Variants in RORA observed in about 807,000 individuals in gnomAD.
RORA encodes the protein nuclear receptor ROR-alpha.
RORA carries 7 observed loss-of-function variants against 69.5 expected under a neutral mutation model. That is an observed-to-expected ratio of 0.10 (90% CI 0.06 to 0.19). RORA has a LOEUF of 0.19. Among genes scored for constraint, RORA ranks in the 10% least tolerant of loss-of-function variants. RORA has a pLI of 1.00. For synonymous variants in RORA, 261 were observed against 240.8 expected, an observed-to-expected ratio of 1.08 and a Z score of -0.78; for missense variants, 457 against 663.0, an observed-to-expected ratio of 0.69 and a Z score of 3.41.
rs149696046 is a variant in RORA at position 61,128,802 on chromosome 15, C to T, written c.166+100251G>A. ...CAAATATTGGCAATGCATCCTGAGA[C>T]AAGAGTCAAGTGCTAAGCAAAGTCA... On this transcript the variant is annotated intron_variant, in intron 1 of 10. Coordinates refer to ENST00000335670, the MANE Select transcript of RORA (RefSeq NM_134261.3). The surrounding 1 kb of genome is among the most constrained non-coding windows in gnomAD (Gnocchi z 4.5). Among the ~76,000 whole-genome samples the T allele has an allele frequency of 6.6e-6, 1 of 152,064 alleles. No homozygotes were observed. Among genetic ancestry groups the T allele is most frequent in the African/African-American group, 2.4e-5 (1 of 41,398 alleles).
At chr15:60,520,951 G>A (rs1404629796) in intron 3 of RORA, among the ~76,000 whole-genome samples, 1 of 152,094 alleles carries the variant, frequency 6.6e-6, no homozygotes, top group Non-Finnish European at 1.5e-5. Flanking sequence ...TGACTGTGGC[G>A]CACTACCACC....
rs1316012176 is a variant in RORA at position 60,907,178 on chromosome 15, A to G, written c.167-228492T>C. ...CAACATCATCTGCCTTTCATACATGAGGTAAACAAGGTACAGAGAGGTGAA... is the reference window on the plus strand; with the variant it reads ...CAACATCATCTGCCTTTCATACATGGGGTAAACAAGGTACAGAGAGGTGAA... On this transcript the variant is annotated intron_variant, in intron 1 of 10. Transcript: ENST00000335670. Among the ~76,000 whole-genome samples, 6 of 152,182 alleles carry G rather than the reference A, an allele frequency of 3.9e-5. No homozygotes were observed. In the East Asian group the frequency reaches 1.2e-3, roughly 29 times the overall value.
chr15:60,858,182 T>C (rs1487019090), intron 1 of RORA, among the ~76,000 whole-genome samples: 2 of 152,196 alleles, frequency 1.3e-5, no homozygotes, highest in African/African-American at 2.4e-5. Flanking sequence ...TGCTTCACCA[T>C]GTATGAGCTG....
At chr15:60,852,588 G>A (rs2073338164) in intron 1 of RORA, among the ~76,000 whole-genome samples, 1 of 152,184 alleles carries the variant, frequency 6.6e-6, no homozygotes, top group South Asian at 2.1e-4. Flanking sequence ...GCTATCTGAG[G>A]AAACAAGATG....
At chr15:60,833,548 G>T (rs1416661802) in intron 1 of RORA, among the ~76,000 whole-genome samples, 4 of 151,898 alleles carry the variant, frequency 2.6e-5, no homozygotes, top group Admixed American at 6.6e-5. Context: ...TCCTTTCTAT[G>T]TCCCTTTCTC....
intron 2 of RORA, among the ~76,000 whole-genome samples, chr15:60,574,821 T>C (rs1466034685): frequency 6.6e-6 from 1 of 152,136 alleles, no homozygotes; most frequent in Non-Finnish European, 1.5e-5. Context: ...ATACGTGGCA[T>C]TTCTGGGACT....
chr15:61,062,736 C>T (rs1185315869), intron 1 of RORA, among the ~76,000 whole-genome samples: 1 of 152,180 alleles, frequency 6.6e-6, no homozygotes, highest in Admixed American at 6.5e-5. Flanking sequence ...TCCCTCCTCT[C>T]CCAACTGCAC....
intron 1 of RORA, among the ~76,000 whole-genome samples, chr15:61,125,255 A>T (rs16943672): frequency 0.089 from 13,621 of 152,218 alleles, 699 homozygotes; most frequent in African/African-American, 0.14. Flanking sequence ...GATACTAAAA[A>T]ACGTGACACT....
intron 1 of RORA, among the ~76,000 whole-genome samples, chr15:60,811,103 C>A (rs1229926834): frequency 6.6e-6 from 1 of 152,228 alleles, no homozygotes; most frequent in African/African-American, 2.4e-5. Flanking sequence ...TGTCTTAACC[C>A]CACTGTTTGC....
At chr15:60,698,521 C>T (rs1201578331) in intron 1 of RORA, among the ~76,000 whole-genome samples, 1 of 151,944 alleles carries the variant, frequency 6.6e-6, no homozygotes, top group Non-Finnish European at 1.5e-5. Context: ...TACATTAACT[C>T]TACCACTTAT....
intron 1 of RORA, among the ~76,000 whole-genome samples, chr15:60,876,361 C>T (rs545502147): frequency 2.1e-5 from 3 of 144,094 alleles, no homozygotes; most frequent in African/African-American, 7.8e-5. Flanking sequence ...TGGAGGCACT[C>T]GGAATTCTTT....
intron 1 of RORA, among the ~76,000 whole-genome samples, chr15:60,780,110 G>A (rs182460043): frequency 1.7e-4 from 26 of 152,256 alleles, no homozygotes; most frequent in African/African-American, 4.8e-4. Flanking sequence ...GAGCTGTAAT[G>A]AATATGAGAA....
At chr15:61,105,116 A>C (rs2078934404) in intron 1 of RORA, among the ~76,000 whole-genome samples, 4 of 151,864 alleles carry the variant, frequency 2.6e-5, no homozygotes, top group Admixed American at 2.0e-4. Context: ...ACAGCTAGTT[A>C]ACCCTTACTC....
intron 2 of RORA, among the ~76,000 whole-genome samples, chr15:60,542,516 T>C (rs1443350560): frequency 1.1e-3 from 50 of 46,518 alleles, no homozygotes; most frequent in African/African-American, 5.0e-3. Flanking sequence ...ATCTCACACA[T>C]GGCACACATG....
chr15:60,889,671 G>T (rs890351238), intron 1 of RORA, among the ~76,000 whole-genome samples: 3 of 152,208 alleles, frequency 2.0e-5, no homozygotes, highest in African/African-American at 7.2e-5. Flanking sequence ...AGATCTGGAC[G>T]GCCTTGCAGG....
At chr15:61,023,148 A>C (rs2140420244) in intron 1 of RORA, among the ~76,000 whole-genome samples, 1 of 136,408 alleles carries the variant, frequency 7.3e-6, no homozygotes, top group Admixed American at 8.9e-5. Context: ...AGATCCTGCC[A>C]CTGCACTCCA....
At chr15:61,174,061 A>T (rs2079607578) in intron 1 of RORA, among the ~76,000 whole-genome samples, 1 of 152,186 alleles carries the variant, frequency 6.6e-6, no homozygotes, top group Non-Finnish European at 1.5e-5. Flanking sequence ...ATTCACAAAC[A>T]TGGTAACTCT....
intron 1 of RORA, among the ~76,000 whole-genome samples, chr15:61,126,645 A>G (rs1010892895): frequency 1.3e-5 from 2 of 152,358 alleles, no homozygotes; most frequent in South Asian, 4.1e-4. Flanking sequence ...CAGATAGAAT[A>G]TTCACGTCTT....
chr15:61,031,189 A>G (rs1386683583), intron 1 of RORA, among the ~76,000 whole-genome samples: 1 of 152,208 alleles, frequency 6.6e-6, no homozygotes, highest in East Asian at 1.9e-4. Flanking sequence ...CTGAAACTCA[A>G]TTATGATATA....
Sources: allele counts gnomAD v4.1 joint callset (sites outside exome capture counted in the v4.1 genomes callset), GRCh38; gene constraint gnomAD v4.1.1; non-coding constraint Gnocchi (gnomAD v3.1); transcripts MANE v1.5; gene names NCBI Gene and HGNC (gene_info 2026-07-23, HGNC 2026-07-21).